Variants in TUT1 observed in about 807,000 individuals in gnomAD.
TUT1 encodes the protein terminal uridylyl transferase 1, U6 snRNA-specific, also known as speckle targeted PIP5K1A-regulated poly(A) polymerase.
A neutral mutation model predicts 48.8 loss-of-function variants in TUT1; 26 were observed. The ratio of observed to expected loss-of-function variants is 0.53; its 90% confidence interval spans 0.39 to 0.74. TUT1 has a LOEUF of 0.74. Among genes scored for constraint, TUT1 ranks in the 30% least tolerant of loss-of-function variants. TUT1 has a pLI of 0.00. For synonymous variants in TUT1, 470 were observed against 460.8 expected (o/e 1.02, Z -0.26); for missense variants, 1,065 against 1,114.8 (o/e 0.96, Z 0.64).
chr11:62,575,143 T>TG lies in TUT1; in HGVS notation c.2575dup (p.His859ProfsTer?), dbSNP rs1941697892. On this transcript the variant is annotated frameshift_variant, in exon 9 of 9. Transcript: ENST00000476907. LOFTEE classifies it high-confidence loss of function. ...AGGGAGGAAAACCTGTAAGAAATGA[T>TG]GGAGATCAGGGAACAGGCCTTGGGG... The TG allele has an allele frequency of 1.9e-6, 3 of 1,590,800 alleles. No individual in the cohort carries two copies. Among genetic ancestry groups the TG allele is most frequent in the Non-Finnish European group, 2.6e-6 (3 of 1,165,802 alleles).
rs764069801 is a variant in TUT1 at position 62,589,055 on chromosome 11, G to A, written c.249C>T (p.Ala83=). 6.3e-5 allele frequency: 101 copies of A among 1,613,722 alleles called. No individual in the cohort carries two copies. The highest frequency in any genetic ancestry group is 1.2e-4 in the Admixed American group (7 of 59,984). Residue 83 remains alanine, a synonymous_variant, in exon 2 of 9, where the codon GCC becomes GCT. Transcript: ENST00000476907. ...SEYFLAFGPV[A]SVVMDKDKGV... ...CCTTGTCCTTGTCCATGACAACACTGGCCACAGGTCCAAATGCTAGGAAGT... is the reference window on the plus strand; with the variant it reads ...CCTTGTCCTTGTCCATGACAACACTAGCCACAGGTCCAAATGCTAGGAAGT...
chr11:62,579,010 T>C lies in TUT1; in HGVS notation c.711A>G (p.Glu237=). 2 of 1,513,576 alleles carry C rather than the reference T, an allele frequency of 1.3e-6. No individual in the cohort carries two copies. The highest frequency in any genetic ancestry group is 1.8e-6 in the Non-Finnish European group (2 of 1,132,036). 93.8% of individuals were successfully genotyped at this position (1,513,576 alleles called of 1,614,324 possible). A position where few individuals can be genotyped will look rare whatever the true frequency, so the allele number is the denominator to read the frequency against. Residue 237 remains glutamate, a synonymous_variant, in exon 5 of 9, where the codon GAA becomes GAG. Transcript: ENST00000476907. The part of the protein sequence containing the change: ...EEPQPVPKAP[E]SPSLDSALAS... ...CCAGGGCCGAGTCCAGCGATGGAGA[T>C]TCTGGAGCCTTTGGGACTGGCTGTG...
At chr11:62,584,764 GTTTA>G (rs1480270667) in intron 2 of TUT1, among the ~76,000 whole-genome samples, 1 of 151,102 alleles carries the variant, frequency 6.6e-6, no homozygotes, top group African/African-American at 2.4e-5. Flanking sequence ...CTTTTTGTTT[GTTTA>G]TTTTTTTACC....
Position 62,575,306 on chromosome 11 carries a change from C to G in TUT1, c.2413G>C (p.Ala805Pro), listed in dbSNP as rs779811606. 2.9e-5 allele frequency: 47 copies of G among 1,614,086 alleles called. No homozygotes were observed. In the South Asian group the frequency reaches 4.9e-4, roughly 17 times the overall value. ...GGAGTRAGWL[A>P]TEAQVTQELK... ...TCCTGGGTGACCTGAGCCTCAGTCG[C>G]CAGCCACCCTGCTCTTGTGCCAGCG... The change falls in exon 9 of 9, where the codon GCG becomes CCG. Residue 805 changes from alanine to proline, a missense_variant. Ala to Pro is a conservative substitution (Grantham distance 27, BLOSUM62 -1). Transcript: ENST00000476907.
chr11:62,576,164 C>A lies in TUT1; in HGVS notation c.1555G>T (p.Ala519Ser), dbSNP rs1444744539. 6.2e-7 allele frequency: 1 copy of A among 1,613,610 alleles called. No homozygotes were observed. Among genetic ancestry groups the A allele is most frequent in the African/African-American group, 1.3e-5 (1 of 74,930 alleles). Residue 519 changes from alanine to serine, a missense_variant, in exon 9 of 9, where the codon GCA (alanine) becomes TCA (serine). By Grantham distance (99) the Ala-to-Ser change is moderately conservative (BLOSUM62 1). Coordinates refer to ENST00000476907, the MANE Select transcript of TUT1 (RefSeq NM_022830.3). ...GGCAGGCCCCCTGCCACAGGCAGTG[C>A]CTGACCCTCCCGCAGGGACAGCAGG... ...GSLLSLREGQ[A>S]LPVAGGLPSN... is the part of the protein sequence containing the mutation.
chr11:62,581,600 T>C lies in TUT1; in HGVS notation c.375A>G (p.Pro125=). 1.2e-6 allele frequency: 2 copies of C among 1,601,452 alleles called. No homozygotes were observed. Among genetic ancestry groups the C allele is most frequent in the Non-Finnish European group, 1.7e-6 (2 of 1,172,978 alleles). Residue 125 remains proline, a synonymous_variant, in exon 3 of 9, where the codon CCA becomes CCG. Coordinates refer to ENST00000476907, the MANE Select transcript of TUT1 (RefSeq NM_022830.3). The part of the protein sequence containing the change: ...SLGGHRLRVR[P]REQKEFQSPA... ...GGCTCTGGAACTCCTTCTGCTCCCGTGGGCGGACACGCAGGCGATGTCCTC... is the reference window on the plus strand; with the variant it reads ...GGCTCTGGAACTCCTTCTGCTCCCGCGGGCGGACACGCAGGCGATGTCCTC...
At chr11:62,579,745 A>G (rs995700813) in intron 4 of TUT1, among the ~76,000 whole-genome samples, 19 of 150,330 alleles carry the variant, frequency 1.3e-4, no homozygotes, top group African/African-American at 4.2e-4. Context: ...GCTCACTGCA[A>G]CCTCCGCCTC....
chr11:62,582,277 C>T (rs1248184713), intron 2 of TUT1, among the ~76,000 whole-genome samples: 1 of 151,850 alleles, frequency 6.6e-6, no homozygotes, highest in Non-Finnish European at 1.5e-5. Context: ...CTGGCCAGTA[C>T]AATTTTTTTA....
chr11:62,577,464 G>C (rs1056984373), intron 5 of TUT1, 173 bp from the exon 6 acceptor site: 3 of 606,044 alleles, frequency 5.0e-6, no homozygotes, highest in Non-Finnish European at 8.7e-6. Flanking sequence ...AAAGGAGTTC[G>C]GGAAACACTT....
intron 4 of TUT1, among the ~76,000 whole-genome samples, chr11:62,579,285 CTG>C (rs1486047387): frequency 2.0e-5 from 3 of 152,006 alleles, no homozygotes; most frequent in Non-Finnish European, 4.4e-5. Flanking sequence ...GAAAGAGAAA[CTG>C]TAACAGTCCA....
chr11:62,576,841 T>A (rs1941737097), intron 7 of TUT1, 66 bp downstream of exon 7: 3 of 1,595,014 alleles, frequency 1.9e-6, no homozygotes, highest in Non-Finnish European at 2.6e-6. Flanking sequence ...GCTTGGTGTA[T>A]CTAAGTGTGA....
Position 62,577,294 on chromosome 11 carries a change from G to C in TUT1, c.1161-3C>G, listed in dbSNP as rs1411303788. ...AACGGGAGTTATGCAGGGCCAGCCT[G>C]GGACAAAGCAGGGACAAGGGTGTTA... On this transcript the variant is annotated splice_region_variant and splice_polypyrimidine_tract_variant and intron_variant, in intron 5 of 8. Coordinates refer to ENST00000476907, the MANE Select transcript of TUT1 (RefSeq NM_022830.3). 1.4e-5 allele frequency: 23 copies of C among 1,610,976 alleles called. No individual in the cohort carries two copies. The Admixed American group carries it at 2.0e-4, about 14-fold the overall frequency.
At chr11:62,584,907 C>G (rs189063186) in intron 2 of TUT1, among the ~76,000 whole-genome samples, 1 of 151,846 alleles carries the variant, frequency 6.6e-6, no homozygotes, top group Non-Finnish European at 1.5e-5. Context: ...CTCCAACCTC[C>G]GCCTCTCGGG....
In TUT1 at chr11:62,576,886, G is replaced by A. The variant is rs768155105; in HGVS notation, c.1381+21C>T. 131 of 1,609,014 alleles carry A rather than the reference G, an allele frequency of 8.1e-5. No homozygotes were observed. In the South Asian group the frequency reaches 1.2e-3, roughly 15 times the overall value. On this transcript the variant is annotated intron_variant, in intron 7 of 8. Coordinates refer to ENST00000476907, the MANE Select transcript of TUT1 (RefSeq NM_022830.3). The stretch of plus-strand genomic sequence containing the variant: ...GAGAGGAAACTAACAAGATGGAGAG[G>A]GTGGAGGCTAGGCCGAGTACCTGCT...
intron 5 of TUT1, among the ~76,000 whole-genome samples, chr11:62,577,647 G>A (rs951542823): frequency 4.0e-5 from 6 of 151,552 alleles, no homozygotes; most frequent in African/African-American, 1.5e-4. Context: ...GACAGGAAAA[G>A]AGAGAGGAAG....
rs1365481660 is a variant in TUT1, at chr11:62,577,027, T to C, written c.1271-10A>G. 2 of 1,612,430 alleles carry C rather than the reference T, an allele frequency of 1.2e-6. No individual in the cohort carries two copies. Among genetic ancestry groups the C allele is most frequent in the East Asian group, 4.5e-5 (2 of 44,868 alleles). On this transcript the variant is annotated splice_polypyrimidine_tract_variant and intron_variant, in intron 6 of 8. Coordinates refer to ENST00000476907, the MANE Select transcript of TUT1 (RefSeq NM_022830.3). The stretch of plus-strand genomic sequence containing the variant: ...AGAAGGGGGCCACTCCCTGGGTAAA[T>C]AAGCAATAATTCCGGTTAGATCAGA...
intron 2 of TUT1, chr11:62,582,458 T>A: frequency 3.1e-6 from 1 of 320,526 alleles, no homozygotes; most frequent in South Asian, 2.3e-5. Flanking sequence ...TAGCCAGGCA[T>A]GGCAGCACAC....
In TUT1 at chr11:62,589,961, C is replaced by A. The variant is rs181699892; in HGVS notation, c.83-740G>T. Among the ~76,000 whole-genome samples, 10 of 152,356 alleles carry A rather than the reference C, an allele frequency of 6.6e-5. No homozygotes were observed. In the East Asian group the frequency reaches 1.9e-3, roughly 29 times the overall value. On this transcript the variant is annotated intron_variant, in intron 1 of 8. Transcript: ENST00000476907. Reference sequence around the variant, plus strand: ...ATATCAGTATCTAGCACCTCACACACAGGTATTATTCAGATATATCACTTG... The same window carrying A: ...ATATCAGTATCTAGCACCTCACACAAAGGTATTATTCAGATATATCACTTG...
rs1941778191 is a variant in TUT1, at chr11:62,578,913, GA to G, written c.807del (p.Gln271ArgfsTer42). On this transcript the variant is annotated frameshift_variant, in exon 5 of 9. Coordinates refer to ENST00000476907, the MANE Select transcript of TUT1 (RefSeq NM_022830.3). LOFTEE classifies it high-confidence loss of function. Reference protein sequence around the residue: ...ASPPDSQPPASPQDSEALDFE... With the variant: ...ASPPDSQPPAXPQDSEALDFE... ...AAGTCCAGGGCTTCAGAATCCTGGG[GA>G]GAAGCAGGAGGTTGTGAATCTGGAG... 1 of 1,580,780 alleles carries G rather than the reference GA, an allele frequency of 6.3e-7. No homozygotes were observed. Among genetic ancestry groups the G allele is most frequent in the African/African-American group, 1.4e-5 (1 of 73,760 alleles).
Sources: allele counts gnomAD v4.1 joint callset (sites outside exome capture counted in the v4.1 genomes callset), GRCh38; gene constraint gnomAD v4.1.1; transcripts MANE v1.5; gene names NCBI Gene and HGNC (gene_info 2026-07-23, HGNC 2026-07-21).